COBLL1: variants seen among roughly 807,000 people sequenced by gnomAD.
COBLL1 encodes cordon-bleu WH2 repeat protein like 1.
COBLL1 carries 50 observed loss-of-function variants against 94.8 expected under a neutral mutation model. The ratio of observed to expected loss-of-function variants is 0.53; its 90% CI spans 0.42 to 0.67. COBLL1 has a LOEUF of 0.67. Among genes scored for constraint, COBLL1 ranks in the 30% least tolerant of loss-of-function variants. The pLI is 0.00. For synonymous variants in COBLL1, 448 were observed against 473.8 expected (o/e 0.95, Z 0.71); for missense variants, 1,362 against 1,348.7 (o/e 1.01, Z -0.15).
At chr2:164,761,742 T>C (rs1162682773) in intron 2 of COBLL1, among the ~76,000 whole-genome samples, 1 of 152,192 alleles carries the variant, frequency 6.6e-6, no homozygotes, top group Admixed American at 6.5e-5. Flanking sequence ...AAGATCAACC[T>C]AAATATTACT....
At chr2:164,659,361 C>T (rs1169420924) in intron 2 of COBLL1, among the ~76,000 whole-genome samples, 1 of 152,164 alleles carries the variant, frequency 6.6e-6, no homozygotes, top group Non-Finnish European at 1.5e-5. Context: ...AAAAGGTCCC[C>T]TCGAGTGGCA....
chr2:164,781,859 G>C (rs1688736811), intron 2 of COBLL1, among the ~76,000 whole-genome samples: 1 of 152,146 alleles, frequency 6.6e-6, no homozygotes, highest in Non-Finnish European at 1.5e-5. Context: ...AATCTCAAAA[G>C]TATAACAAGG....
intron 2 of COBLL1, among the ~76,000 whole-genome samples, chr2:164,805,323 C>T (rs1403412856): frequency 0.039 from 1,313 of 33,674 alleles, 173 homozygotes; most frequent in African/African-American, 0.15. Flanking sequence ...CTCTCTCTCT[C>T]TCTCTCTCTC....
chr2:164,683,230 G>C lies in COBLL1; in HGVS notation c.*2716C>G, dbSNP rs1683124231. 6.6e-6 allele frequency: 1 copy of C among 151,774 alleles called. No individual in the cohort carries two copies. Among genetic ancestry groups the C allele is most frequent in the Non-Finnish European group, 1.5e-5 (1 of 67,940 alleles). The allele number at this position is 151,774 out of a possible 1,614,324, so 9.4% of individuals were successfully genotyped here. A position where few individuals can be genotyped will look rare whatever the true frequency, so the allele number is the denominator to read the frequency against. ...TTAATATTATATAAATAAATAACTT[G>C]ATTGGAGGAAAGAAGGAAAAGCAAA... On this transcript the variant is annotated 3_prime_UTR_variant, in exon 14 of 14. Transcript: ENST00000652658.
chr2:164,812,460 A>G (rs2105341647), intron 2 of COBLL1, among the ~76,000 whole-genome samples: 1 of 152,092 alleles, frequency 6.6e-6, no homozygotes, highest in East Asian at 1.9e-4. Flanking sequence ...AGAAACATTA[A>G]ATTTCTAGAA....
At chr2:164,726,808 C>T (rs766294513) in intron 5 of COBLL1, among the ~76,000 whole-genome samples, 4 of 151,948 alleles carry the variant, frequency 2.6e-5, no homozygotes, top group Admixed American at 6.6e-5. Context: ...AGCATTTGTA[C>T]CCAGTAAAGA....
In COBLL1 at chr2:164,794,981, TA is replaced by T. The variant is rs199956092; in HGVS notation, c.41+46174del. Among the ~76,000 whole-genome samples the T allele has an allele frequency of 4.6e-5, 7 of 152,254 alleles. 1 individual carries two copies. In the East Asian group the frequency reaches 1.3e-3, roughly 29 times the overall value. On this transcript the variant is annotated intron_variant, in intron 2 of 13. Coordinates refer to ENST00000652658, the MANE Select transcript of COBLL1 (RefSeq NM_001365672.2). ...AATCAATGCCAAGAGCAAGAGCCAA[TA>T]AAAACAAAAGTGAATTGTGAGAAAT...
chr2:164,821,522 G>T (rs975143840), intron 2 of COBLL1, among the ~76,000 whole-genome samples: 1 of 152,092 alleles, frequency 6.6e-6, no homozygotes, highest in East Asian at 1.9e-4. Context: ...GTGTACAAGC[G>T]ATAAAACCCA....
chr2:164,705,402 A>G (rs1425938720), intron 7 of COBLL1: 3 of 227,576 alleles, frequency 1.3e-5, no homozygotes, highest in Non-Finnish European at 2.5e-5. Flanking sequence ...CCTAACTTTT[A>G]AAGAAAAATC....
chr2:164,793,393 A>T (rs1172078416), intron 2 of COBLL1, among the ~76,000 whole-genome samples: 1 of 152,108 alleles, frequency 6.6e-6, no homozygotes, highest in Non-Finnish European at 1.5e-5. Context: ...CCAAAACTGA[A>T]CCTTTTACAC....
chr2:164,830,115 A>C (rs1216730957), intron 2 of COBLL1, among the ~76,000 whole-genome samples: 1 of 152,220 alleles, frequency 6.6e-6, no homozygotes, highest in Non-Finnish European at 1.5e-5. Context: ...TGACCATGGA[A>C]TTAAATCATT....
chr2:164,746,838 G>A (rs752637809), intron 2 of COBLL1, among the ~76,000 whole-genome samples: 1 of 152,018 alleles, frequency 6.6e-6, no homozygotes, highest in Non-Finnish European at 1.5e-5. Flanking sequence ...AACACATCCA[G>A]AATACCAGGC....
chr2:164,673,568 G>A (rs752976917), intron 1 of COBLL1, among the ~76,000 whole-genome samples: 2 of 152,140 alleles, frequency 1.3e-5, no homozygotes, highest in Non-Finnish European at 2.9e-5. Flanking sequence ...TTAGCTACTA[G>A]GGAGGTTGAG....
intron 2 of COBLL1, among the ~76,000 whole-genome samples, chr2:164,758,827 A>T (rs1456533477): frequency 6.6e-6 from 1 of 152,134 alleles, no homozygotes; most frequent in Non-Finnish European, 1.5e-5. Flanking sequence ...TTGAAGAAAA[A>T]GTTACTCATT....
chr2:164,711,070 G>C (rs1269808590), intron 7 of COBLL1, among the ~76,000 whole-genome samples: 1 of 152,168 alleles, frequency 6.6e-6, no homozygotes, highest in Non-Finnish European at 1.5e-5. Flanking sequence ...ATGGGTTTTG[G>C]AGTCAATACA....
At position 164,728,112 on chromosome 2, in the gene COBLL1, G is replaced by A; in HGVS notation, c.518C>T (p.Ala173Val). 6.2e-7 allele frequency: 1 copy of A among 1,613,650 alleles called. No individual in the cohort carries two copies. The highest frequency in any genetic ancestry group is 1.1e-5 in the South Asian group (1 of 91,078). Residue 173 changes from alanine (A) to valine (V), a missense_variant, in exon 5 of 14, where the codon GCC becomes GTC. Ala to Val is a moderately conservative substitution (Grantham distance 64). Transcript: ENST00000652658. ...CTCACATTTGCTACATATAATAGGG[G>A]CAAGCTCTTGAAGCGATGCATGTGG... ...VSPHASLQEL[A>V]PIICSKCEFD...
rs35579769 is a variant in COBLL1, at chr2:164,670,622, CAT to C, written n.127-4723_127-4722del. On this transcript the variant is annotated intron_variant and non_coding_transcript_variant, in intron 1 of 2. Coordinates refer to the COBLL1 transcript ENST00000495084. Reference sequence around the variant, plus strand: ...CTACTTTTAATTAGCAAAAATATAACATGTGCAGATTTTTAAAAATTCAAGTT... The same window carrying C: ...CTACTTTTAATTAGCAAAAATATAACGTGCAGATTTTTAAAAATTCAAGTT... Among the ~76,000 whole-genome samples the C allele has an allele frequency of 5.1e-4, 77 of 152,254 alleles. 1 individual carries two copies. In the East Asian group the frequency reaches 0.012, roughly 23 times the overall value.
chr2:164,797,068 G>T (rs1683500468), intron 2 of COBLL1, among the ~76,000 whole-genome samples: 1 of 152,176 alleles, frequency 6.6e-6, no homozygotes, highest in African/African-American at 2.4e-5. Flanking sequence ...ATTTGGTATT[G>T]CCTATAAAGT....
At position 164,841,525 on chromosome 2, in the gene COBLL1, G is replaced by C; in HGVS notation, c.-51+185C>G. ...GTAGCCATTTGGCGCCTCTCGGAGG[G>C]AGAGGAGCCGCCGGGGCTGGAAAAG... On this transcript the variant is annotated intron_variant, in intron 1 of 13. Transcript: ENST00000652658. The surrounding 1 kb of genome is among the most constrained non-coding windows in gnomAD (Gnocchi z 5.5). The C allele has an allele frequency of 1.0e-6, 1 of 961,742 alleles. No individual in the cohort carries two copies. The highest frequency in any genetic ancestry group is 1.7e-5 in the African/African-American group (1 of 57,954). The allele number at this position is 961,742 out of a possible 1,614,324, so 59.6% of individuals were successfully genotyped here. A position where few individuals can be genotyped will look rare whatever the true frequency, so the allele number is the denominator to read the frequency against.
Sources: allele counts gnomAD v4.1 joint callset (sites outside exome capture counted in the v4.1 genomes callset), GRCh38; gene constraint gnomAD v4.1.1; non-coding constraint Gnocchi (gnomAD v3.1); transcripts MANE v1.5; gene names NCBI Gene and HGNC (gene_info 2026-07-23, HGNC 2026-07-21).